The following ZNF878 variants were observed in gnomAD, a reference collection of about 807,000 sequenced individuals.
The protein encoded by ZNF878 is zinc finger protein 878.
A neutral mutation model predicts 11.1 loss-of-function variants in ZNF878; 10 were observed. The observed-to-expected ratio is 0.90, with a 90% CI of 0.56 to 1.53. The LOEUF is 1.53. ZNF878 is among the 40% of genes most tolerant of loss of function. ZNF878 has a pLI of 0.00. For synonymous variants in ZNF878, 165 were observed against 209.7 expected, an observed-to-expected ratio of 0.79 and a Z score of 1.84; for missense variants, 548 against 626.1, an observed-to-expected ratio of 0.88 and a Z score of 1.33.
chr19:12,045,572 G>C (rs897788640), intron 3 of ZNF878, among the ~76,000 whole-genome samples: 1 of 150,682 alleles, frequency 6.6e-6, no homozygotes, highest in Non-Finnish European at 1.5e-5. Context: ...GTGTGAACCC[G>C]GGAGGCAGAG....
At chr19:12,048,921 G>A (rs2145526329) in intron 1 of ZNF878, among the ~76,000 whole-genome samples, 1 of 151,068 alleles carries the variant, frequency 6.6e-6, no homozygotes, top group Middle Eastern at 3.5e-3. Context: ...GAGGTGGGCA[G>A]ATCACAAAGT....
In ZNF878 at chr19:12,051,471, G is replaced by A. The variant is rs115736464; in HGVS notation, c.3+1328C>T. ...AGCTTAACTTTTTTTTTTTGAGACA[G>A]TCTCATTCTTTCACCATGGCTGGAG... On this transcript the variant is annotated intron_variant, in intron 1 of 3. Coordinates refer to ENST00000547628, the MANE Select transcript of ZNF878 (RefSeq NM_001080404.3). Among the ~76,000 whole-genome samples the A allele has an allele frequency of 5.1e-3, 767 of 151,160 alleles. 5 individuals are homozygous for A. The highest frequency in any genetic ancestry group is 0.018 in the African/African-American group (748 of 41,166).
chr19:12,045,047 A>G lies in ZNF878; in HGVS notation c.354T>C (p.Asn118=). Residue 118 remains asparagine, a synonymous_variant, in exon 4 of 4, where the codon AAT becomes AAC. Coordinates refer to ENST00000547628, the MANE Select transcript of ZNF878 (RefSeq NM_001080404.3). ...GEIGIGLSSL[N]RHLRAFSYSS... Reference sequence around the variant, plus strand: ...AATAACTAAAGGCTCTGAGGTGCCTATTAAGGGATGAAAGACCTATGCCGA... The same window carrying G: ...AATAACTAAAGGCTCTGAGGTGCCTGTTAAGGGATGAAAGACCTATGCCGA... The G allele has an allele frequency of 1.9e-6, 3 of 1,614,052 alleles. No individual in the cohort carries two copies. Among genetic ancestry groups the G allele is most frequent in the Non-Finnish European group, 2.5e-6 (3 of 1,179,974 alleles).
chr19:12,043,951 ACT>A lies in ZNF878; in HGVS notation c.1448_1449del (p.Gln483LeufsTer15). ...TTGGAAGAAATGAAGGCTTTCCCAC[ACT>A]GTTTACATTTATAGGGTTTCTCTCC... Reference protein sequence around the residue: ...HTGEKPYKCKQCGKAFISSNS... With the variant: ...HTGEKPYKCKXCGKAFISSNS... On this transcript the variant is annotated frameshift_variant, in exon 4 of 4. Coordinates refer to ENST00000547628, the MANE Select transcript of ZNF878 (RefSeq NM_001080404.3). LOFTEE classifies it low-confidence loss of function (END_TRUNC). 1 of 1,610,806 alleles carries A rather than the reference ACT, an allele frequency of 6.2e-7. No individual in the cohort carries two copies. The highest frequency in any genetic ancestry group is 8.5e-7 in the Non-Finnish European group (1 of 1,177,762).
At chr19:12,052,571 G>A (rs568439204) in intron 1 of ZNF878, among the ~76,000 whole-genome samples, 1 of 152,328 alleles carries the variant, frequency 6.6e-6, no homozygotes, top group Admixed American at 6.5e-5. Flanking sequence ...GGGAGCCGGG[G>A]CCGGGGCCGC....
chr19:12,050,280 C>T (rs576888946), intron 1 of ZNF878, among the ~76,000 whole-genome samples: 1 of 152,216 alleles, frequency 6.6e-6, no homozygotes, highest in Admixed American at 6.6e-5. Flanking sequence ...CTATAGAACA[C>T]TAAGACCCTT....
chr19:12,051,682 G>A (rs1286171966), intron 1 of ZNF878, among the ~76,000 whole-genome samples: 4 of 152,148 alleles, frequency 2.6e-5, no homozygotes, highest in Non-Finnish European at 4.4e-5. Context: ...CGAAGTGGGC[G>A]GATCACAAAG....
rs745436839 is a variant in ZNF878 at position 12,045,109 on chromosome 19, CAGG to C, written c.289_291del (p.Pro97del). 6.2e-7 allele frequency: 1 copy of C among 1,613,202 alleles called. No homozygotes were observed. The highest frequency in any genetic ancestry group is 8.5e-7 in the Non-Finnish European group (1 of 1,179,502). ...ACACTGCTTTCATATGATTGTACTC[CAGG>C]AGTTTTCTTCTTCAGTGTGTCATCT... On this transcript the variant is annotated inframe_deletion, in exon 4 of 4. Coordinates refer to ENST00000547628, the MANE Select transcript of ZNF878 (RefSeq NM_001080404.3).
At position 12,044,403 on chromosome 19, in the gene ZNF878, T is replaced by C; in HGVS notation, c.998A>G (p.His333Arg). Residue 333 changes from histidine to arginine, a missense_variant, in exon 4 of 4, where the codon CAC (histidine) becomes CGC (arginine). Physicochemically the swap from His to Arg is conservative, Grantham distance 29. This residue lies in a region of ZNF878 where 335 missense variants were observed against 358.2 expected (regional missense o/e 0.94). Transcript: ENST00000547628. The part of the protein sequence containing the change: ...STSFRYHEKT[H>R]TGEKPYECKK... Reference sequence around the variant, plus strand: ...ACATTCATAAGGTTTCTCTCCAGTGTGAGTCTTTTCATGATAGCGAAAGGA... The same window carrying C: ...ACATTCATAAGGTTTCTCTCCAGTGCGAGTCTTTTCATGATAGCGAAAGGA... 3 of 1,613,936 alleles carry C rather than the reference T, an allele frequency of 1.9e-6. No individual in the cohort carries two copies. Among genetic ancestry groups the C allele is most frequent in the Non-Finnish European group, 2.5e-6 (3 of 1,179,904 alleles).
At position 12,044,628 on chromosome 19, in the gene ZNF878, T is replaced by C. The variant is rs200674509; in HGVS notation, c.773A>G (p.Lys258Arg). Reference sequence around the variant, plus strand: ...ACAATTGAAGGCTTTATCACATTGCTTGCATTTATAGCGTTTCTCTCCAGT... The same window carrying C: ...ACAATTGAAGGCTTTATCACATTGCCTGCATTTATAGCGTTTCTCTCCAGT... ...SHTGEKRYKC[K>R]QCDKAFNCPS... Residue 258 changes from lysine to arginine, a missense_variant, in exon 4 of 4, where the codon AAG becomes AGG. Transcript: ENST00000547628. 10 of 1,614,046 alleles carry C rather than the reference T, an allele frequency of 6.2e-6. No individual in the cohort carries two copies. The highest frequency in any genetic ancestry group is 8.5e-6 in the Non-Finnish European group (10 of 1,180,028).
At chr19:12,050,474 G>C (rs2145527680) in intron 1 of ZNF878, among the ~76,000 whole-genome samples, 1 of 152,260 alleles carries the variant, frequency 6.6e-6, no homozygotes, top group East Asian at 1.9e-4. Context: ...TGTGAAAATA[G>C]GTGATTCAAA....
At chr19:12,048,854 A>AAAAAG (rs1013060216) in intron 1 of ZNF878, among the ~76,000 whole-genome samples, 11 of 134,514 alleles carry the variant, frequency 8.2e-5, no homozygotes, top group African/African-American at 1.6e-4. Context: ...AAAAGAAAAG[A>AAAAAG]AAAAGAAAAG....
Position 12,044,497 on chromosome 19 carries a change from C to G in ZNF878, c.904G>C (p.Glu302Gln). ...GGTTTCTCTCCAGTGTGTTTTCTTT[C>G]ATGTACTCGCAGGTACTTGACAGAT... ...FRSVKYLRVH[E>Q]RKHTGEKPYE... Residue 302 changes from glutamate to glutamine, a missense_variant, in exon 4 of 4, where the codon GAA becomes CAA. Physicochemically the swap from Glu to Gln is conservative, Grantham distance 29. Coordinates refer to ENST00000547628, the MANE Select transcript of ZNF878 (RefSeq NM_001080404.3). 1 of 1,613,420 alleles carries G rather than the reference C, an allele frequency of 6.2e-7. No individual in the cohort carries two copies. The highest frequency in any genetic ancestry group is 8.5e-7 in the Non-Finnish European group (1 of 1,179,844).
chr19:12,044,664 T>G lies in ZNF878; in HGVS notation c.737A>C (p.Glu246Ala), dbSNP rs758371906. 3.7e-6 allele frequency: 6 copies of G among 1,614,088 alleles called. No homozygotes were observed. The South Asian group carries it at 6.6e-5, about 18-fold the overall frequency. Residue 246 changes from glutamate to alanine, a missense_variant, in exon 4 of 4, where the codon GAG (glutamate) becomes GCG (alanine). Glu to Ala is a moderately radical substitution (Grantham distance 107). Around this residue, in one of 3 missense-constraint regions of ZNF878, gnomAD observed 335 missense variants for 358.2 expected, o/e 0.94. Transcript: ENST00000547628. Reference protein sequence around the residue: ...FFSPSSLKRHEKSHTGEKRYK... With the variant: ...FFSPSSLKRHAKSHTGEKRYK... ...GCGTTTCTCTCCAGTGTGACTTTTC[T>G]CGTGTCTTTTTAACGAACTGGGAGA...
chr19:12,050,135 G>C (rs899200948), intron 1 of ZNF878, among the ~76,000 whole-genome samples: 1 of 152,120 alleles, frequency 6.6e-6, no homozygotes, highest in African/African-American at 2.4e-5. Context: ...TGAAGCAGGA[G>C]AATCGATTGA....
rs775215406 is a variant in ZNF878 at position 12,046,797 on chromosome 19, G to A, written c.4-37C>T. On this transcript the variant is annotated intron_variant, in intron 1 of 3. Transcript: ENST00000547628. Reference sequence around the variant, plus strand: ...CACATGTGGACAGGAGGATGAGTGAGGCTGACAGCACTGGGTTTCTATACC... The same window carrying A: ...CACATGTGGACAGGAGGATGAGTGAAGCTGACAGCACTGGGTTTCTATACC... 11 of 1,612,182 alleles carry A rather than the reference G, an allele frequency of 6.8e-6. No homozygotes were observed. The East Asian group carries it at 8.9e-5, about 13-fold the overall frequency.
chr19:12,044,830 T>C lies in ZNF878; in HGVS notation c.571A>G (p.Arg191Gly). 6.2e-7 allele frequency: 1 copy of C among 1,614,186 alleles called. No individual in the cohort carries two copies. The highest frequency in any genetic ancestry group is 1.1e-5 in the South Asian group (1 of 91,064). The change falls in exon 4 of 4, where the codon AGA becomes GGA. Residue 191 changes from arginine to glycine, a missense_variant. Around this residue, in one of 3 missense-constraint regions of ZNF878, gnomAD observed 53 missense variants for 94.6 expected, o/e 0.56. Coordinates refer to ENST00000547628, the MANE Select transcript of ZNF878 (RefSeq NM_001080404.3). The part of the protein sequence containing the change: ...SFPSSVRRHE[R>G]IHSAKKPYEC... ...TAGGGTTTTTTTGCAGAGTGGATTC[T>C]TTCATGTCTACGAACAGAACTGGGA...
chr19:12,046,171 G>A (rs774231757), intron 3 of ZNF878, 197 bp downstream of exon 3: 5 of 499,564 alleles, frequency 1.0e-5, no homozygotes, highest in East Asian at 6.3e-5. Flanking sequence ...AGGTTCAAGC[G>A]ATCTTCCATC....
At position 12,045,196 on chromosome 19, in the gene ZNF878, C is replaced by A; in HGVS notation, c.205G>T (p.Glu69Ter). The A allele has an allele frequency of 6.2e-7, 1 of 1,603,246 alleles. No homozygotes were observed. The highest frequency in any genetic ancestry group is 8.5e-7 in the Non-Finnish European group (1 of 1,175,026). Residue 69 changes from glutamate to a stop codon, truncating the protein, a stop_gained, in exon 4 of 4, where the codon GAG becomes TAG. Coordinates refer to ENST00000547628, the MANE Select transcript of ZNF878 (RefSeq NM_001080404.3). LOFTEE classifies it low-confidence loss of function (END_TRUNC). ...PRRNLRRLIGERLSESKESHQ... is the reference protein window; with the variant it reads ...PRRNLRRLIG Reference sequence around the variant, plus strand: ...CTTTCTTTACTTTCAGAGAGTCTCTCCCCTATAAGTCTTCTGTGAACAATG... The same window carrying A: ...CTTTCTTTACTTTCAGAGAGTCTCTACCCTATAAGTCTTCTGTGAACAATG...
Sources: gnomAD v4.1 joint callset for allele counts (sites outside exome capture counted in the v4.1 genomes callset) on GRCh38, gnomAD v4.1.1 for gene constraint, gnomAD v4.1.1 regional missense constraint, MANE v1.5 for transcripts, NCBI Gene and HGNC (gene_info 2026-07-23, HGNC 2026-07-21) for gene names.